Variants in CLUL1 observed in about 807,000 individuals in gnomAD.
The protein encoded by CLUL1 is clusterin like 1, also known as clusterin-like protein 1.
A neutral mutation model predicts 49.4 loss-of-function variants in CLUL1; 43 were observed. That is an observed-to-expected ratio of 0.87 (90% CI 0.68 to 1.12). The LOEUF (loss-of-function observed/expected upper bound fraction) is 1.12. Ranked by LOEUF, CLUL1 falls within the 50% of genes most tolerant of loss-of-function variation. The pLI is 0.00. For synonymous variants in CLUL1, 192 were observed against 184.9 expected (o/e 1.04, Z -0.31); for missense variants, 486 against 544.4 (o/e 0.89, Z 1.07).
At chr18:598,069 T>C (rs1483917580) in intron 1 of CLUL1, 2 of 152,506 alleles carry the variant, frequency 1.3e-5, no homozygotes, top group African/African-American at 4.8e-5. Context: ...AGGCCACTTT[T>C]ACCTGCCTGA....
chr18:616,751 T>C lies in CLUL1; in HGVS notation c.-13-1237T>C, dbSNP rs190701128. The C allele has an allele frequency of 1.1e-3, 1,035 of 967,390 alleles. 11 individuals are homozygous for C. The African/African-American group carries it at 0.017, about 16-fold the overall frequency. The allele number at this position is 967,390 out of a possible 1,614,324, so 59.9% of individuals were successfully genotyped here. A position where few individuals can be genotyped will look rare whatever the true frequency, so the allele number is the denominator to read the frequency against. On this transcript the variant is annotated intron_variant, in intron 2 of 9. Coordinates refer to ENST00000692774, the MANE Select transcript of CLUL1 (RefSeq NM_001393344.1). ...TGGTGGCAACTTCACTGGGGAGATA[T>C]TGCAAAGTTAGTGGTAAATACACTA...
chr18:626,379 T>C (rs890631229), intron 5 of CLUL1, among the ~76,000 whole-genome samples: 5 of 152,166 alleles, frequency 3.3e-5, no homozygotes, highest in Non-Finnish European at 7.4e-5. Flanking sequence ...AAACTTGACC[T>C]TTTTAGGCTA....
rs1196128595 is a variant in CLUL1, at chr18:645,824, T to A, written c.1397+727T>A. On this transcript the variant is annotated intron_variant, in intron 9 of 9. Coordinates refer to ENST00000692774, the MANE Select transcript of CLUL1 (RefSeq NM_001393344.1). ...AAAAAAAAAAAAATATATATATATATATATATATATATATATATATATATA... is the reference window on the plus strand; with the variant it reads ...AAAAAAAAAAAAATATATATATATAAATATATATATATATATATATATATA... Among the ~76,000 whole-genome samples the A allele has an allele frequency of 7.7e-3, 416 of 54,264 alleles. 29 individuals are homozygous for A. The highest frequency in any genetic ancestry group is 0.021 in the East Asian group (23 of 1,108). The allele number at this position is 54,264 out of a possible 152,430, so 35.6% of individuals were successfully genotyped here. A position where few individuals can be genotyped will look rare whatever the true frequency, so the allele number is the denominator to read the frequency against.
intron 6 of CLUL1, among the ~76,000 whole-genome samples, chr18:630,241 T>C (rs1261450586): frequency 6.6e-6 from 1 of 152,156 alleles, no homozygotes; most frequent in East Asian, 1.9e-4. Flanking sequence ...CCCGAGTAGC[T>C]GGGATTACAG....
rs1264490719 is a variant in CLUL1, at chr18:641,424, C to T, written c.1092C>T (p.Thr364=). The change falls in exon 8 of 10, where the codon ACC becomes ACT. Residue 364 remains threonine (T), a synonymous_variant. Coordinates refer to ENST00000692774, the MANE Select transcript of CLUL1 (RefSeq NM_001393344.1). The part of the protein sequence containing the change: ...NQQYGQILQM[T]RKHLEDTAYL... The stretch of plus-strand genomic sequence containing the variant: ...AGTATGGCCAGATTCTCCAGATGAC[C>T]CGGAAGCACTTGGAGGACACCGCCT... 1 of 1,614,162 alleles carries T rather than the reference C, an allele frequency of 6.2e-7. No homozygotes were observed. The highest frequency in any genetic ancestry group is 8.5e-7 in the Non-Finnish European group (1 of 1,180,022).
chr18:636,165 T>C (rs2074131609), intron 7 of CLUL1, among the ~76,000 whole-genome samples: 1 of 152,372 alleles, frequency 6.6e-6, no homozygotes, highest in East Asian at 1.9e-4. Context: ...TTAAAAATAC[T>C]TCTTTCTGTA....
chr18:614,459 A>C (rs896318205), intron 2 of CLUL1: 1 of 152,182 alleles, frequency 6.6e-6, no homozygotes, highest in African/African-American at 2.4e-5. Flanking sequence ...CTTATACTTT[A>C]TCTTTTGTTT....
rs1253021128 is a variant in CLUL1 at position 624,999 on chromosome 18, C to T, written c.390C>T (p.Thr130=). 12 of 1,614,144 alleles carry T rather than the reference C, an allele frequency of 7.4e-6. No homozygotes were observed. Among genetic ancestry groups the T allele is most frequent in the African/African-American group, 5.3e-5 (4 of 75,044 alleles). ...LENNCMRIYT[T]CQPSWSSVKN... is the part of the protein sequence containing the mutation. The stretch of plus-strand genomic sequence containing the variant: ...ATAACTGCATGAGAATTTATACAAC[C>T]TGCCAACCTAGCTGGTCCTCTGTGA... Residue 130 remains threonine (T), a synonymous_variant, in exon 5 of 10, where the codon ACC becomes ACT. Transcript: ENST00000692774.
intron 7 of CLUL1, among the ~76,000 whole-genome samples, chr18:633,818 CGTGT>C (rs2074060135): frequency 6.6e-4 from 15 of 22,668 alleles, no homozygotes; most frequent in South Asian, 1.4e-3. Context: ...CAGGGCGGAG[CGTGT>C]AATCGGAATG....
At chr18:623,442 C>T (rs2073568033) in intron 4 of CLUL1, among the ~76,000 whole-genome samples, 1 of 151,988 alleles carries the variant, frequency 6.6e-6, no homozygotes, top group Non-Finnish European at 1.5e-5. Flanking sequence ...GCCAGGAGTT[C>T]GAGATCAGCC....
chr18:645,531 C>T (rs997930249), intron 9 of CLUL1, among the ~76,000 whole-genome samples: 4 of 151,896 alleles, frequency 2.6e-5, no homozygotes, highest in South Asian at 2.1e-4. Context: ...CGCAGTGGCT[C>T]ATGCCTGTAA....
intron 2 of CLUL1, among the ~76,000 whole-genome samples, chr18:615,950 G>A (rs2073276248): frequency 6.6e-6 from 1 of 152,178 alleles, no homozygotes; most frequent in South Asian, 2.1e-4. Flanking sequence ...TAAAAGGCAG[G>A]TGGCCCAGTT....
In CLUL1 at chr18:618,920, TAAATG is replaced by T. The variant is rs746997847; in HGVS notation, c.107-289_107-285del. On this transcript the variant is annotated intron_variant, in intron 3 of 9. Transcript: ENST00000692774. This position sits in a 1 kb window ranked among gnomAD's most constrained non-coding sequence, Gnocchi z 4.2. ...CTCTAATATAAACACACTTGAGTCT[TAAATG>T]AAAGAAAAAAAATGGATAAATGAAA... Among the ~76,000 whole-genome samples the T allele has an allele frequency of 1.3e-5, 2 of 151,932 alleles. No individual in the cohort carries two copies. Among genetic ancestry groups the T allele is most frequent in the Non-Finnish European group, 2.9e-5 (2 of 67,998 alleles).
intron 2 of CLUL1, among the ~76,000 whole-genome samples, chr18:615,629 G>C (rs2073264890): frequency 1.3e-5 from 2 of 152,180 alleles, no homozygotes; most frequent in Admixed American, 1.3e-4. Flanking sequence ...CCAAAGTGCT[G>C]CCTCTTCCAT....
At chr18:627,734 CTTTCTAG>C (rs958940585) in intron 6 of CLUL1, among the ~76,000 whole-genome samples, 1 of 151,860 alleles carries the variant, frequency 6.6e-6, no homozygotes, top group Non-Finnish European at 1.5e-5. Context: ...GAACTGAACT[CTTTCTAG>C]AGCAAATTTT....
chr18:631,275 T>C (rs577655657), intron 6 of CLUL1, among the ~76,000 whole-genome samples: 2 of 152,346 alleles, frequency 1.3e-5, no homozygotes, highest in South Asian at 2.1e-4. Flanking sequence ...TGAAAGCGAA[T>C]AGGTCCAGGA....
At chr18:632,617 A>G (rs1424170634) in intron 6 of CLUL1, among the ~76,000 whole-genome samples, 1 of 152,200 alleles carries the variant, frequency 6.6e-6, no homozygotes, top group Non-Finnish European at 1.5e-5. Flanking sequence ...TCAAATATAT[A>G]AAAGAACAAA....
In CLUL1 at chr18:619,188, G is replaced by GA. The variant is rs779488875; in HGVS notation, c.107-19dup. ...TTTTGTAATCTGATCAGATCTCAAA[G>GA]AAAAAATTGCCACATGTCTTTTAGG... On this transcript the variant is annotated intron_variant, in intron 3 of 9. Coordinates refer to ENST00000692774, the MANE Select transcript of CLUL1 (RefSeq NM_001393344.1). The GA allele has an allele frequency of 6.0e-5, 97 of 1,606,746 alleles. No individual in the cohort carries two copies. The African/African-American group carries it at 1.1e-3, about 19-fold the overall frequency.
intron 2 of CLUL1, chr18:613,183 G>T: frequency 2.1e-6 from 1 of 465,956 alleles, no homozygotes; most frequent in South Asian, 4.4e-5. Context: ...TCGTTGCCCA[G>T]ACTGGAGTGC....
Sources: gnomAD v4.1 joint callset for allele counts (sites outside exome capture counted in the v4.1 genomes callset) on GRCh38, gnomAD v4.1.1 for gene constraint, Gnocchi (gnomAD v3.1) non-coding constraint, MANE v1.5 for transcripts, NCBI Gene and HGNC (gene_info 2026-07-23, HGNC 2026-07-21) for gene names.